The following GRM4 variants were observed in gnomAD, a reference collection of about 807,000 sequenced individuals.
The protein encoded by GRM4 is glutamate metabotropic receptor 4.
Under a neutral mutation model 81.7 loss-of-function variants are expected in GRM4, and 28 were observed. The ratio of observed to expected loss-of-function variants is 0.34; its 90% CI spans 0.25 to 0.47. GRM4 has a LOEUF of 0.47. Ranked by LOEUF, GRM4 falls within the 20% of genes least tolerant of loss-of-function variation. GRM4 has a pLI of 1.00. For synonymous variants in GRM4, 488 were observed against 528.8 expected (o/e 0.92, Z 1.06); for missense variants, 948 against 1,290.0 (o/e 0.73, Z 4.06).
At chr6:34,067,113 C>A (rs372254225) in intron 3 of GRM4, among the ~76,000 whole-genome samples, 6 of 152,144 alleles carry the variant, frequency 3.9e-5, no homozygotes, top group South Asian at 2.1e-4. Flanking sequence ...GAGCTGGAAC[C>A]GTCACCACCC....
At chr6:34,101,937 G>T in intron 2 of GRM4, 2 of 1,356,722 alleles carry the variant, frequency 1.5e-6, no homozygotes, top group Non-Finnish European at 2.0e-6. Context: ...TCTCCCGGAG[G>T]CCAGGGGTAT....
At chr6:34,151,154 G>A (rs1442907921) in intron 1 of GRM4, among the ~76,000 whole-genome samples, 2 of 152,312 alleles carry the variant, frequency 1.3e-5, no homozygotes, top group African/African-American at 2.4e-5. Context: ...TAGAAGAGCC[G>A]AGAGACCTAG....
In GRM4 at chr6:34,024,827, C is replaced by T. The variant is rs530914884; in HGVS notation, c.2690-1957G>A. 528 of 449,802 alleles carry T rather than the reference C, an allele frequency of 1.2e-3. 7 individuals are homozygous for T. The highest frequency in any genetic ancestry group is 8.0e-3 in the South Asian group (514 of 64,186). 27.9% of individuals were successfully genotyped at this position (449,802 alleles called of 1,614,324 possible). A position where few individuals can be genotyped will look rare whatever the true frequency, so the allele number is the denominator to read the frequency against. ...AGGTGCCAATGGAAGAAAATGGTGCCACAACATCCAAAAAAAGAATAAGAA... is the reference window on the plus strand; with the variant it reads ...AGGTGCCAATGGAAGAAAATGGTGCTACAACATCCAAAAAAAGAATAAGAA... On this transcript the variant is annotated intron_variant, in intron 10 of 10. Coordinates refer to ENST00000538487, the MANE Select transcript of GRM4 (RefSeq NM_000841.4).
intron 1 of GRM4, among the ~76,000 whole-genome samples, chr6:34,142,912 C>A (rs1225912063): frequency 6.6e-6 from 1 of 152,228 alleles, no homozygotes; most frequent in African/African-American, 2.4e-5. Context: ...CCTCCGCCTG[C>A]TCAGGACCTG....
intron 2 of GRM4, among the ~76,000 whole-genome samples, chr6:34,126,660 T>C (rs901736289): frequency 3.3e-5 from 5 of 152,118 alleles, no homozygotes; most frequent in African/African-American, 1.2e-4. Context: ...GCCACACCCA[T>C]CCCCACAGCC....
chr6:34,137,834 G>A (rs1484246429), intron 1 of GRM4, among the ~76,000 whole-genome samples: 3 of 146,866 alleles, frequency 2.0e-5, no homozygotes, highest in East Asian at 2.0e-4. Flanking sequence ...GAGCTCAAGC[G>A]ATCCTCCAGC....
At chr6:34,096,982 C>T (rs1768558001) in intron 2 of GRM4, among the ~76,000 whole-genome samples, 1 of 151,620 alleles carries the variant, frequency 6.6e-6, no homozygotes, top group Non-Finnish European at 1.5e-5. Context: ...GAGCGTGTGT[C>T]CTTGAGCACA....
intron 8 of GRM4, among the ~76,000 whole-genome samples, chr6:34,037,819 T>C (rs1270796723): frequency 1.4e-5 from 2 of 143,696 alleles, no homozygotes; most frequent in Non-Finnish European, 3.0e-5. Context: ...GCCAAGATCA[T>C]GCCACTGCGC....
chr6:34,054,103 C>T (rs2127457188), intron 6 of GRM4: 2 of 151,970 alleles, frequency 1.3e-5, no homozygotes, highest in Middle Eastern at 3.4e-3. Context: ...GATGAGAAAG[C>T]AAAGGCCCAG....
rs867657882 is a variant in GRM4 at position 34,078,797 on chromosome 6, G to T, written c.736+13086C>A. Among the ~76,000 whole-genome samples, 1 of 152,188 alleles carries T rather than the reference G, an allele frequency of 6.6e-6. No individual in the cohort carries two copies. Among genetic ancestry groups the T allele is most frequent in the Non-Finnish European group, 1.5e-5 (1 of 68,050 alleles). On this transcript the variant is annotated intron_variant, in intron 3 of 10. Coordinates refer to ENST00000538487, the MANE Select transcript of GRM4 (RefSeq NM_000841.4). The surrounding 1 kb of genome is among the most constrained non-coding windows in gnomAD (Gnocchi z 4.8). ...GCCTCCCTGGGGCCCCAAGCCGTCT[G>T]CAAGAGTCGTTAGCTTTCCTTCTGG...
chr6:34,133,678 T>G lies in GRM4; in HGVS notation c.-182A>C. On this transcript the variant is annotated 5_prime_UTR_variant, in exon 2 of 11. Transcript: ENST00000538487. This position sits in a 1 kb window ranked among gnomAD's most constrained non-coding sequence, Gnocchi z 6.5. Reference sequence around the variant, plus strand: ...TCCTTGTCACTCGGGCCAAGCACAGTTGCCCGCACAGTCCAGGCCCACAGA... The same window carrying G: ...TCCTTGTCACTCGGGCCAAGCACAGGTGCCCGCACAGTCCAGGCCCACAGA... 7.1e-7 allele frequency: 1 copy of G among 1,409,092 alleles called. No homozygotes were observed. Among genetic ancestry groups the G allele is most frequent in the Non-Finnish European group, 9.2e-7 (1 of 1,087,334 alleles). The allele number at this position is 1,409,092 out of a possible 1,614,324, so 87.3% of individuals were successfully genotyped here. A position where few individuals can be genotyped will look rare whatever the true frequency, so the allele number is the denominator to read the frequency against.
chr6:34,073,132 C>T lies in GRM4; in HGVS notation c.737-11104G>A, dbSNP rs1300563339. ...CACATCACCACACAGATACACACCA[C>T]ACACACACACACACATCACCACAGA... On this transcript the variant is annotated intron_variant, in intron 3 of 10. Transcript: ENST00000538487. Among the ~76,000 whole-genome samples the T allele has an allele frequency of 3.1e-5, 3 of 96,244 alleles. No individual in the cohort carries two copies. In the South Asian group the frequency reaches 9.5e-4, roughly 31 times the overall value. The allele number at this position is 96,244 out of a possible 152,430, so 63.1% of individuals were successfully genotyped here. A position where few individuals can be genotyped will look rare whatever the true frequency, so the allele number is the denominator to read the frequency against.
chr6:34,032,671 G>A (rs1316742842), intron 9 of GRM4, among the ~76,000 whole-genome samples: 1 of 152,194 alleles, frequency 6.6e-6, no homozygotes, highest in African/African-American at 2.4e-5. Context: ...TCATCTCAGG[G>A]ACTCCCTTCA....
intron 9 of GRM4, among the ~76,000 whole-genome samples, chr6:34,028,725 G>A (rs1383877902): frequency 2.0e-5 from 3 of 152,190 alleles, no homozygotes; most frequent in African/African-American, 7.2e-5. Flanking sequence ...GGTTACCGCT[G>A]TTATTTGCTA....
chr6:34,028,243 G>C lies in GRM4; in HGVS notation c.2566C>G (p.Arg856Gly). 1 of 1,614,090 alleles carries C rather than the reference G, an allele frequency of 6.2e-7. No individual in the cohort carries two copies. The highest frequency in any genetic ancestry group is 8.5e-7 in the Non-Finnish European group (1 of 1,180,034). ...LFHPEQNVPK[R>G]KRSLKAVVTA... ...ACGACGGCTTTGAGGCTGCGCTTGC[G>C]CTTGGGCACGTTCTGCTCCGGGTGG... is the stretch of plus-strand genomic sequence containing the variant. Residue 856 changes from arginine (R) to glycine (G), a missense_variant, in exon 10 of 11, where the codon CGC (arginine) becomes GGC (glycine). Coordinates refer to ENST00000538487, the MANE Select transcript of GRM4 (RefSeq NM_000841.4).
At position 34,046,430 on chromosome 6, in the gene GRM4, G is replaced by A. The variant is rs1562023247; in HGVS notation, c.1169-5682C>T. On this transcript the variant is annotated intron_variant, in intron 6 of 10. Coordinates refer to ENST00000538487, the MANE Select transcript of GRM4 (RefSeq NM_000841.4). ...GTCCCCAAGCAGATGCTGAGGAGGA[G>A]TTGAGAGCAAGGGTTTTATTGGTGG... Among the ~76,000 whole-genome samples the A allele has an allele frequency of 3.3e-5, 5 of 152,356 alleles. No individual in the cohort carries two copies. In the South Asian group the frequency reaches 8.3e-4, roughly 25 times the overall value.
intron 2 of GRM4, among the ~76,000 whole-genome samples, chr6:34,118,564 GA>G (rs2127502547): frequency 6.6e-6 from 1 of 152,298 alleles, no homozygotes; most frequent in African/African-American, 2.4e-5. Context: ...CTCTTGTGTG[GA>G]ATGATCAAGA....
intron 2 of GRM4, among the ~76,000 whole-genome samples, chr6:34,094,571 T>A (rs975871091): frequency 3.9e-5 from 6 of 152,224 alleles, no homozygotes; most frequent in Non-Finnish European, 8.8e-5. Flanking sequence ...GTCTTGTGTT[T>A]TAGAGCAGTT....
Position 34,136,352 on chromosome 6 carries a change from G to A in GRM4, c.-363-2493C>T, listed in dbSNP as rs1012638548. On this transcript the variant is annotated intron_variant, in intron 1 of 10. Transcript: ENST00000538487. The surrounding 1 kb of genome is among the most constrained non-coding windows in gnomAD (Gnocchi z 4.1). The stretch of plus-strand genomic sequence containing the variant: ...TCTAAGGTCCTGTGAGTTTATGATC[G>A]GTTTCCATGAATTTCAAACAGAGGG... Among the ~76,000 whole-genome samples the A allele has an allele frequency of 6.6e-6, 1 of 152,014 alleles. No homozygotes were observed. Among genetic ancestry groups the A allele is most frequent in the Non-Finnish European group, 1.5e-5 (1 of 68,008 alleles).
Sources: gnomAD v4.1 joint callset for allele counts (sites outside exome capture counted in the v4.1 genomes callset) on GRCh38, gnomAD v4.1.1 for gene constraint, Gnocchi (gnomAD v3.1) non-coding constraint, MANE v1.5 for transcripts, NCBI Gene and HGNC (gene_info 2026-07-23, HGNC 2026-07-21) for gene names.